Variants in LCLAT1 observed in about 807,000 individuals in gnomAD.
LCLAT1 encodes the protein lysocardiolipin acyltransferase 1.
In LCLAT1, 11 loss-of-function variants were observed where a neutral mutation model predicts 30.7. The observed-to-expected ratio is 0.36, with a 90% CI of 0.23 to 0.59. The LOEUF is 0.59. LCLAT1 is among the 20% of genes least tolerant of loss of function. LCLAT1 has a pLI of 0.77. For missense variants in LCLAT1, 402 were observed against 458.6 expected (o/e 0.88, Z 1.13); for synonymous variants, 155 against 151.3 (o/e 1.02, Z -0.18).
intron 3 of LCLAT1, among the ~76,000 whole-genome samples, chr2:30,560,285 T>G (rs1337788990): frequency 2.2e-4 from 7 of 31,342 alleles, no homozygotes; most frequent in African/African-American, 2.2e-3. Context: ...TAAAGTGTGG[T>G]GTGTGTGTGT....
intron 5 of LCLAT1, among the ~76,000 whole-genome samples, chr2:30,618,101 C>T (rs1168300487): frequency 1.3e-5 from 2 of 152,118 alleles, no homozygotes; most frequent in African/African-American, 4.8e-5. Context: ...TGTTTCTAGA[C>T]TCTGTTCTGT....
At chr2:30,540,584 A>G (rs1273713783) in intron 3 of LCLAT1, among the ~76,000 whole-genome samples, 1 of 152,132 alleles carries the variant, frequency 6.6e-6, no homozygotes, top group African/African-American at 2.4e-5. Context: ...ACATGGTGCT[A>G]TGAAATACCT....
At position 30,598,288 on chromosome 2, in the gene LCLAT1, G is replaced by C. The variant is rs563581708; in HGVS notation, c.628+30112G>C. ...TCTGGTCCTGGGCTTTTTTTGGTTGGTAGGTTATTTATTACTGCCTCAATT... is the reference window on the plus strand; with the variant it reads ...TCTGGTCCTGGGCTTTTTTTGGTTGCTAGGTTATTTATTACTGCCTCAATT... On this transcript the variant is annotated intron_variant, in intron 5 of 5. Transcript: ENST00000379509. 4.6e-5 allele frequency among the ~76,000 whole-genome samples: 7 copies of C among 152,124 alleles called. No individual in the cohort carries two copies. In the South Asian group the frequency reaches 1.2e-3, roughly 27 times the overall value.
chr2:30,626,419 T>C (rs1323727055), intron 5 of LCLAT1, among the ~76,000 whole-genome samples: 1 of 152,222 alleles, frequency 6.6e-6, no homozygotes. Context: ...AATTTACACA[T>C]GTATATATGT....
Position 30,506,057 on chromosome 2 carries a change from A to T in LCLAT1, c.-4-19530A>T, listed in dbSNP as rs558880706. On this transcript the variant is annotated intron_variant, in intron 1 of 5. Transcript: ENST00000379509. Reference sequence around the variant, plus strand: ...CCTTGCTTCATTTTGGGTACATATAACTGAAGTTTGGCCCCATTCTGCTCT... The same window carrying T: ...CCTTGCTTCATTTTGGGTACATATATCTGAAGTTTGGCCCCATTCTGCTCT... Among the ~76,000 whole-genome samples, 258 of 152,198 alleles carry T rather than the reference A, an allele frequency of 1.7e-3. 2 individuals are homozygous for T. Among genetic ancestry groups the T allele is most frequent in the Admixed American group, 4.3e-3 (66 of 15,278 alleles).
chr2:30,525,040 TAAA>T (rs11408146), intron 1 of LCLAT1, among the ~76,000 whole-genome samples: 1 of 148,722 alleles, frequency 6.7e-6, no homozygotes, highest in Non-Finnish European at 1.5e-5. Flanking sequence ...GGTTTTATGT[TAAA>T]AAAAAAAGGC....
At chr2:30,565,700 A>G (rs982740633) in intron 4 of LCLAT1, among the ~76,000 whole-genome samples, 2 of 152,326 alleles carry the variant, frequency 1.3e-5, no homozygotes, top group Non-Finnish European at 2.9e-5. Flanking sequence ...ACGTTCTGTG[A>G]GGAAAGACAG....
intron 1 of LCLAT1, among the ~76,000 whole-genome samples, chr2:30,456,992 G>C (rs760626967): frequency 2.0e-5 from 3 of 152,156 alleles, no homozygotes; most frequent in Non-Finnish European, 4.4e-5. Flanking sequence ...GCTAGTTTTG[G>C]GTTAGTTACT....
chr2:30,612,728 C>T lies in LCLAT1; in HGVS notation c.629-27389C>T, dbSNP rs555086541. Among the ~76,000 whole-genome samples the T allele has an allele frequency of 1.1e-4, 16 of 152,238 alleles. No individual in the cohort carries two copies. The East Asian group carries it at 2.3e-3, about 22-fold the overall frequency. ...ATCATTAATCACAATTACTTTCCAG[C>T]GACAGTCTCTCATAATGCACCTTTC... On this transcript the variant is annotated intron_variant, in intron 5 of 5. Transcript: ENST00000379509.
intron 1 of LCLAT1, among the ~76,000 whole-genome samples, chr2:30,449,550 G>A (rs1681442707): frequency 6.6e-6 from 1 of 151,280 alleles, no homozygotes; most frequent in Non-Finnish European, 1.5e-5. Context: ...GCCAGGGCTG[G>A]AGTGCAATGG....
intron 1 of LCLAT1, among the ~76,000 whole-genome samples, chr2:30,464,669 C>G (rs769690099): frequency 1.3e-5 from 2 of 152,114 alleles, no homozygotes; most frequent in African/African-American, 4.8e-5. Context: ...CTCTTGTATT[C>G]TTGGGGCAAA....
At chr2:30,524,105 T>A (rs1685599407) in intron 1 of LCLAT1, among the ~76,000 whole-genome samples, 1 of 152,244 alleles carries the variant, frequency 6.6e-6, no homozygotes, top group East Asian at 1.9e-4. Flanking sequence ...TTTCTAAAAA[T>A]TTTATTCTGA....
intron 2 of LCLAT1, 56 bp downstream of exon 2, chr2:30,525,811 G>A (rs1354037218): frequency 6.9e-7 from 1 of 1,455,924 alleles, no homozygotes; most frequent in South Asian, 1.2e-5. Flanking sequence ...CCCCACCCCT[G>A]ATAGATACCT....
At chr2:30,514,314 C>G (rs1411087600) in intron 1 of LCLAT1, among the ~76,000 whole-genome samples, 1 of 152,204 alleles carries the variant, frequency 6.6e-6, no homozygotes, top group Non-Finnish European at 1.5e-5. Flanking sequence ...TAGCATATCA[C>G]TTCCCCCAAG....
chr2:30,449,222 T>C (rs1330304321), intron 1 of LCLAT1, among the ~76,000 whole-genome samples: 1 of 152,242 alleles, frequency 6.6e-6, no homozygotes, highest in Non-Finnish European at 1.5e-5. Flanking sequence ...ATGTGTTATG[T>C]ATTAAGGGGA....
At chr2:30,639,469 ATCTATT>A in intron 5 of LCLAT1, among the ~76,000 whole-genome samples, 1 of 148,608 alleles carries the variant, frequency 6.7e-6, no homozygotes. Context: ...AAGTTTATTT[ATCTATT>A]TATTTTTAAA....
chr2:30,565,281 C>T (rs549625044), intron 4 of LCLAT1, among the ~76,000 whole-genome samples: 2 of 152,148 alleles, frequency 1.3e-5, no homozygotes, highest in African/African-American at 4.8e-5. Flanking sequence ...AGGCCAAAGG[C>T]AGTCTAGAGG....
At chr2:30,483,602 G>A (rs576518711) in intron 1 of LCLAT1, among the ~76,000 whole-genome samples, 2 of 152,206 alleles carry the variant, frequency 1.3e-5, no homozygotes, top group South Asian at 2.1e-4. Context: ...AATGCTACTA[G>A]TGATGATGAA....
intron 5 of LCLAT1, among the ~76,000 whole-genome samples, chr2:30,571,741 C>T (rs1421642884): frequency 3.3e-5 from 5 of 152,152 alleles, no homozygotes; most frequent in African/African-American, 1.2e-4. Flanking sequence ...TTCATACAGC[C>T]TTTTATTGCT....
Sources: allele counts gnomAD v4.1 joint callset (sites outside exome capture counted in the v4.1 genomes callset), GRCh38; gene constraint gnomAD v4.1.1; transcripts MANE v1.5; gene names NCBI Gene and HGNC (gene_info 2026-07-23, HGNC 2026-07-21).